Variants in MCPH1 observed in about 807,000 individuals in gnomAD.
MCPH1 encodes microcephalin 1.
In MCPH1, 104 loss-of-function variants were observed where a neutral mutation model predicts 84.5. That is an observed-to-expected ratio of 1.23 (90% CI 1.05 to 1.45). The LOEUF (loss-of-function observed/expected upper bound fraction) is 1.45, where lower values mean the gene tolerates loss of function less well. Among genes scored for constraint, MCPH1 ranks in the 40% most tolerant of loss-of-function variants. MCPH1 has a pLI of 0.00. For synonymous variants in MCPH1, 514 were observed against 366.8 expected (o/e 1.40, Z -4.58); for missense variants, 1,498 against 1,005.7 (o/e 1.49, Z -6.62).
chr8:6,631,416 G>C (rs1445165959), intron 13 of MCPH1, among the ~76,000 whole-genome samples: 1 of 151,922 alleles, frequency 6.6e-6, no homozygotes, highest in Non-Finnish European at 1.5e-5. Context: ...GAAAATATTT[G>C]CAAATAACGG....
rs775942126 is a variant in MCPH1 at position 6,414,866 on chromosome 8, G to A, written c.216G>A (p.Ser72=). 2.5e-6 allele frequency: 4 copies of A among 1,613,394 alleles called. No individual in the cohort carries two copies. In the African/African-American group the frequency reaches 4.0e-5, roughly 16 times the overall value. The part of the protein sequence containing the change: ...KAQKRGVKLV[S]VLWVEKCRTA... ...AGAAGAGAGGCGTAAAGCTCGTTTC[G>A]GTGCTCTGGGTGGAAAAGTAAGCAG... is the stretch of plus-strand genomic sequence containing the variant. The change falls in exon 3 of 14, where the codon TCG becomes TCA. Residue 72 remains serine, a synonymous_variant. Transcript: ENST00000344683.
chr8:6,553,489 A>T (rs1824037325), intron 12 of MCPH1, among the ~76,000 whole-genome samples: 1 of 152,020 alleles, frequency 6.6e-6, no homozygotes. Flanking sequence ...ACACGTCAAC[A>T]TTTTTTTAAA....
At chr8:6,575,223 C>T (rs576011417) in intron 12 of MCPH1, among the ~76,000 whole-genome samples, 1 of 152,324 alleles carries the variant, frequency 6.6e-6, no homozygotes, top group African/African-American at 2.4e-5. Flanking sequence ...TCAATGCCAG[C>T]CTCATTACAC....
chr8:6,561,925 CG>C (rs1825602129), intron 12 of MCPH1, among the ~76,000 whole-genome samples: 1 of 152,214 alleles, frequency 6.6e-6, no homozygotes, highest in Admixed American at 6.5e-5. Flanking sequence ...ACCGTCCTGT[CG>C]TGGCATGACT....
In MCPH1 at chr8:6,422,639, G is replaced by A. The variant is rs533310316; in HGVS notation, c.233+7756G>A. On this transcript the variant is annotated intron_variant, in intron 3 of 13. Transcript: ENST00000344683. ...CCACTAACCCCAGCCTTTCTCAAGG[G>A]GCTCATGCAGACCCCATAATACTTG... Among the ~76,000 whole-genome samples the A allele has an allele frequency of 2.6e-5, 4 of 152,148 alleles. No individual in the cohort carries two copies. The South Asian group carries it at 8.3e-4, about 32-fold the overall frequency.
chr8:6,528,177 C>T (rs1168405809), intron 12 of MCPH1, among the ~76,000 whole-genome samples: 1 of 152,174 alleles, frequency 6.6e-6, no homozygotes, highest in African/African-American at 2.4e-5. Context: ...GATTTACAGG[C>T]ATTAGCCACT....
chr8:6,473,986 GA>G, intron 9 of MCPH1: 2 of 1,015,582 alleles, frequency 2.0e-6, no homozygotes, highest in South Asian at 1.4e-5. Flanking sequence ...AAAGAACTTG[GA>G]AAATCTCACA....
At chr8:6,423,127 C>CAA (rs1800486095) in intron 3 of MCPH1, among the ~76,000 whole-genome samples, 5 of 149,652 alleles carry the variant, frequency 3.3e-5, no homozygotes, top group Admixed American at 1.3e-4. Flanking sequence ...GGCAAAAGCA[C>CAA]ACTTTTAAGG....
At chr8:6,560,445 G>A (rs1465147128) in intron 12 of MCPH1, among the ~76,000 whole-genome samples, 2 of 152,180 alleles carry the variant, frequency 1.3e-5, no homozygotes, top group Non-Finnish European at 2.9e-5. Flanking sequence ...CAAACAGTGA[G>A]GTTACATTTA....
chr8:6,420,886 A>G (rs1800091158), intron 3 of MCPH1, among the ~76,000 whole-genome samples: 1 of 152,206 alleles, frequency 6.6e-6, no homozygotes, highest in South Asian at 2.1e-4. Context: ...AAGGCAAAAG[A>G]AGAGACTGAC....
intron 12 of MCPH1, chr8:6,509,003 C>T (rs1293931727): frequency 6.2e-7 from 1 of 1,614,108 alleles, no homozygotes; most frequent in Non-Finnish European, 8.5e-7. Flanking sequence ...AAAATCATTT[C>T]CTGGTTGGCT....
chr8:6,627,080 A>C (rs1796783918), intron 13 of MCPH1: 4 of 985,378 alleles, frequency 4.1e-6, no homozygotes, highest in Non-Finnish European at 4.8e-6. Context: ...TTCAGGAAAA[A>C]GATCCGATAG....
intron 13 of MCPH1, among the ~76,000 whole-genome samples, chr8:6,642,173 T>A (rs1190736287): frequency 6.6e-6 from 1 of 152,228 alleles, no homozygotes; most frequent in African/African-American, 2.4e-5. Context: ...GTAATTATAA[T>A]TATATATTCA....
intron 12 of MCPH1, among the ~76,000 whole-genome samples, chr8:6,606,285 A>G (rs1050766518): frequency 3.3e-5 from 5 of 152,256 alleles, no homozygotes; most frequent in Admixed American, 3.3e-4. Flanking sequence ...TATCTAAAAC[A>G]TCTAGCAACT....
chr8:6,481,812 T>C (rs1429664369), intron 11 of MCPH1, among the ~76,000 whole-genome samples: 1 of 152,244 alleles, frequency 6.6e-6, no homozygotes, highest in Admixed American at 6.5e-5. Context: ...TATATATTAG[T>C]ACTGCTTTAT....
chr8:6,556,019 G>C (rs1222310872), intron 12 of MCPH1, among the ~76,000 whole-genome samples: 1 of 152,142 alleles, frequency 6.6e-6, no homozygotes, highest in Non-Finnish European at 1.5e-5. Context: ...TGGGGACTTG[G>C]TATCTCAGGC....
intron 12 of MCPH1, among the ~76,000 whole-genome samples, chr8:6,559,322 A>G (rs1825156578): frequency 1.3e-5 from 2 of 151,638 alleles, no homozygotes; most frequent in South Asian, 4.2e-4. Flanking sequence ...GCCCCTCACC[A>G]TCCATTTCTC....
chr8:6,445,481 A>G lies in MCPH1; in HGVS notation c.1759A>G (p.Ile587Val), dbSNP rs372378731. The G allele has an allele frequency of 8.8e-5, 142 of 1,614,066 alleles. No individual in the cohort carries two copies. In the East Asian group the frequency reaches 1.0e-3, roughly 12 times the overall value. The change falls in exon 8 of 14, where the codon ATA (isoleucine) becomes GTA (valine). Residue 587 changes from isoleucine (I) to valine (V), a missense_variant. Coordinates refer to ENST00000344683, the MANE Select transcript of MCPH1 (RefSeq NM_024596.5). ...CCAGAGTGAACATGAGCCATGTTTTATAGTTGACTGTAACATGGAGACGTC... is the reference window on the plus strand; with the variant it reads ...CCAGAGTGAACATGAGCCATGTTTTGTAGTTGACTGTAACATGGAGACGTC... ...EAQSEHEPCF[I>V]VDCNMETSTE... is the part of the protein sequence containing the mutation.
At chr8:6,539,508 G>C (rs888698078) in intron 12 of MCPH1, among the ~76,000 whole-genome samples, 3 of 152,184 alleles carry the variant, frequency 2.0e-5, no homozygotes, top group Non-Finnish European at 2.9e-5. Context: ...ATGGACGCCT[G>C]CCCACATAGG....
Sources: gnomAD v4.1 joint callset for allele counts (sites outside exome capture counted in the v4.1 genomes callset) on GRCh38, gnomAD v4.1.1 for gene constraint, MANE v1.5 for transcripts, NCBI Gene and HGNC (gene_info 2026-07-23, HGNC 2026-07-21) for gene names.